Variants in MYOM2 observed in about 807,000 individuals in gnomAD.
The protein encoded by MYOM2 is myomesin-2.
Under a neutral mutation model 187.6 loss-of-function variants are expected in MYOM2, and 254 were observed. The observed-to-expected ratio is 1.35, with a 90% CI of 1.22 to 1.50. MYOM2 has a LOEUF of 1.50. Ranked by LOEUF, MYOM2 falls within the 40% of genes most tolerant of loss-of-function variation. The pLI, the probability that MYOM2 is intolerant of heterozygous loss-of-function variation, is 0.00. For missense variants in MYOM2, 2,796 were observed against 1,924.0 expected (o/e 1.45, Z -8.48); for synonymous variants, 981 against 753.8 (o/e 1.30, Z -4.94).
intron 6 of MYOM2, among the ~76,000 whole-genome samples, chr8:2,067,593 C>T (rs924761098): frequency 6.6e-6 from 1 of 152,144 alleles, no homozygotes; most frequent in East Asian, 1.9e-4. Context: ...CTCTTCCTTA[C>T]CCCCTCTTGT....
At chr8:2,093,285 C>A (rs950718936) in intron 16 of MYOM2, among the ~76,000 whole-genome samples, 1 of 152,060 alleles carries the variant, frequency 6.6e-6, no homozygotes, top group Non-Finnish European at 1.5e-5. Flanking sequence ...GCAGAAAGAT[C>A]GATCAGAATA....
chr8:2,057,230 T>C, intron 3 of MYOM2, 118 bp from the exon 4 acceptor site: 2 of 1,212,042 alleles, frequency 1.7e-6, no homozygotes, highest in Non-Finnish European at 2.2e-6. Flanking sequence ...CCTGTTCTCT[T>C]CTTGAACGCA....
intron 1 of MYOM2, among the ~76,000 whole-genome samples, chr8:2,050,041 C>G (rs570142531): frequency 1.3e-5 from 2 of 152,162 alleles, no homozygotes; most frequent in South Asian, 2.1e-4. Flanking sequence ...GGGGGCATCT[C>G]CAGCCAGTCC....
chr8:2,057,801 G>C (rs768985915), intron 5 of MYOM2, 21 bp downstream of exon 5: 19 of 1,607,014 alleles, frequency 1.2e-5, no homozygotes, highest in Non-Finnish European at 1.6e-5. Flanking sequence ...CTGTTCCCAG[G>C]GGGTGAAGAA....
At position 2,057,432 on chromosome 8, in the gene MYOM2, C is replaced by T. The variant is rs1398263195; in HGVS notation, c.348C>T (p.His116=). 3.7e-6 allele frequency: 6 copies of T among 1,614,022 alleles called. No individual in the cohort carries two copies. In the South Asian group the frequency reaches 4.4e-5, roughly 12 times the overall value. ...SELAHLEEDV[H]LARSQARDKL... Reference sequence around the variant, plus strand: ...TGGCCCACTTGGAGGAGGATGTCCACCTGGCACGCTCCCAGGCCCGCGACA... The same window carrying T: ...TGGCCCACTTGGAGGAGGATGTCCATCTGGCACGCTCCCAGGCCCGCGACA... Residue 116 remains histidine (H), a synonymous_variant, in exon 4 of 37, where the codon CAC becomes CAT. Coordinates refer to ENST00000262113, the MANE Select transcript of MYOM2 (RefSeq NM_003970.4).
At chr8:2,049,270 T>A (rs747944809) in intron 1 of MYOM2, among the ~76,000 whole-genome samples, 1 of 152,196 alleles carries the variant, frequency 6.6e-6, no homozygotes, top group Non-Finnish European at 1.5e-5. Flanking sequence ...AGAATAAGGA[T>A]GGCCTTGGGG....
intron 12 of MYOM2, 142 bp downstream of exon 12, chr8:2,079,075 G>A (rs533416859): frequency 2.1e-5 from 15 of 731,650 alleles, no homozygotes; most frequent in East Asian, 1.1e-4. Flanking sequence ...CTGTTACAAC[G>A]TTCTCTGACA....
chr8:2,110,016 G>A (rs1430692041), intron 25 of MYOM2, among the ~76,000 whole-genome samples: 1 of 152,204 alleles, frequency 6.6e-6, no homozygotes, highest in East Asian at 1.9e-4. Flanking sequence ...TGATGTGACA[G>A]TGTGGCTGTC....
intron 27 of MYOM2, among the ~76,000 whole-genome samples, chr8:2,116,750 T>G (rs1298830054): frequency 6.6e-6 from 1 of 152,086 alleles, no homozygotes. Flanking sequence ...CCCAAGGGTT[T>G]ATTCAAAGAA....
chr8:2,098,403 G>C (rs1195823123), intron 18 of MYOM2, among the ~76,000 whole-genome samples: 1 of 152,126 alleles, frequency 6.6e-6, no homozygotes, highest in African/African-American at 2.4e-5. Context: ...CAGAGTCCAA[G>C]TATGGGGGAC....
intron 8 of MYOM2, among the ~76,000 whole-genome samples, chr8:2,070,290 G>T (rs1278948622): frequency 6.6e-6 from 1 of 152,254 alleles, no homozygotes; most frequent in South Asian, 2.1e-4. Context: ...AGGCTTAGTT[G>T]CTCTGGGCCA....
Position 2,085,327 on chromosome 8 carries a change from C to A in MYOM2, c.1581C>A (p.Val527=). The stretch of plus-strand genomic sequence containing the variant: ...CTTCCGAGATCAGCAGAAACTATGT[C>A]GTCCTCAGCTGGGAGCCACCCACTC... ...VHASEISRNY[V]VLSWEPPTPR... The change falls in exon 14 of 37, where the codon GTC becomes GTA. Residue 527 remains valine, a synonymous_variant. Transcript: ENST00000262113. 3 of 1,614,188 alleles carry A rather than the reference C, an allele frequency of 1.9e-6. No individual in the cohort carries two copies. The highest frequency in any genetic ancestry group is 2.2e-5 in the East Asian group (1 of 44,878).
chr8:2,143,300 CTCA>C (rs910163187), intron 35 of MYOM2, 98 bp from the exon 36 acceptor site: 3 of 1,327,350 alleles, frequency 2.3e-6, no homozygotes, highest in African/African-American at 2.9e-5. Context: ...GCATAAACTC[CTCA>C]CCACATTCAC....
chr8:2,088,968 C>G (rs1034343174), intron 14 of MYOM2, among the ~76,000 whole-genome samples: 7 of 152,014 alleles, frequency 4.6e-5, no homozygotes, highest in African/African-American at 1.7e-4. Flanking sequence ...CGCTTGGGGT[C>G]GCAAGGGCCT....
At position 2,079,557 on chromosome 8, in the gene MYOM2, C is replaced by T. The variant is rs887867736; in HGVS notation, c.1463-3C>T. On this transcript the variant is annotated splice_polypyrimidine_tract_variant and splice_region_variant and intron_variant, in intron 12 of 36. Coordinates refer to ENST00000262113, the MANE Select transcript of MYOM2 (RefSeq NM_003970.4). ...AATCGAGTGTCAACCTTTCTCTCCG[C>T]AGCCGTTCATTTGGAGGGAGAGAAG... 2 of 1,614,074 alleles carry T rather than the reference C, an allele frequency of 1.2e-6. No individual in the cohort carries two copies. Among genetic ancestry groups the T allele is most frequent in the Non-Finnish European group, 1.7e-6 (2 of 1,179,984 alleles).
chr8:2,061,504 C>T (rs540537732), intron 6 of MYOM2, among the ~76,000 whole-genome samples: 64 of 152,276 alleles, frequency 4.2e-4, no homozygotes, highest in South Asian at 2.9e-3. Context: ...CTACCTGGGG[C>T]GGTGGCTTCA....
At chr8:2,051,757 G>A (rs1232821044) in intron 2 of MYOM2, among the ~76,000 whole-genome samples, 1 of 152,232 alleles carries the variant, frequency 6.6e-6, no homozygotes, top group African/African-American at 2.4e-5. Context: ...AAGCACCCCA[G>A]GGCGGGCATG....
intron 21 of MYOM2, among the ~76,000 whole-genome samples, chr8:2,106,006 A>T (rs573340420): frequency 1.9e-3 from 296 of 152,250 alleles, no homozygotes; most frequent in South Asian, 3.7e-3. Context: ...CAGCAGGGGG[A>T]ATGCCAGGTG....
At chr8:2,064,512 C>A (rs1818951496) in intron 6 of MYOM2, among the ~76,000 whole-genome samples, 1 of 57,240 alleles carries the variant, frequency 1.7e-5, no homozygotes, top group Non-Finnish European at 4.0e-5. Flanking sequence ...GGAGAGCGCT[C>A]TCTTCGGAGA....
Sources: gnomAD v4.1 joint callset for allele counts (sites outside exome capture counted in the v4.1 genomes callset) on GRCh38, gnomAD v4.1.1 for gene constraint, MANE v1.5 for transcripts, NCBI Gene and HGNC (gene_info 2026-07-23, HGNC 2026-07-21) for gene names.